PTPRN2: variants seen among roughly 807,000 people sequenced by gnomAD.
PTPRN2 encodes receptor-type tyrosine-protein phosphatase N2.
PTPRN2 carries 74 observed loss-of-function variants against 118.8 expected under a neutral mutation model. The ratio of observed to expected loss-of-function variants is 0.62; its 90% confidence interval spans 0.52 to 0.76. The LOEUF is 0.76. Among genes scored for constraint, PTPRN2 ranks in the 30% least tolerant of loss-of-function variants. The pLI, the probability that PTPRN2 is intolerant of heterozygous loss-of-function variation, is 0.00. For missense variants in PTPRN2, 1,481 were observed against 1,394.4 expected, an observed-to-expected ratio of 1.06 and a Z score of -0.99; for synonymous variants, 641 against 608.0, an observed-to-expected ratio of 1.05 and a Z score of -0.80.
At chr7:158,041,092 C>T (rs184865910) in intron 11 of PTPRN2, among the ~76,000 whole-genome samples, 31 of 152,162 alleles carry the variant, frequency 2.0e-4, no homozygotes, top group African/African-American at 3.6e-4. Flanking sequence ...GACACAGGTC[C>T]GACACTCGGA....
At chr7:157,572,070 C>T (rs1260299875) in intron 19 of PTPRN2, among the ~76,000 whole-genome samples, 1 of 152,198 alleles carries the variant, frequency 6.6e-6, no homozygotes, top group East Asian at 1.9e-4. Flanking sequence ...AGTATACAAA[C>T]AACTTCATTG....
intron 2 of PTPRN2, among the ~76,000 whole-genome samples, chr7:158,388,702 G>A (rs1811695966): frequency 6.6e-6 from 1 of 152,090 alleles, no homozygotes; most frequent in Non-Finnish European, 1.5e-5. Context: ...AGAGTTGGGG[G>A]GGCCTGAAAG....
intron 12 of PTPRN2, among the ~76,000 whole-genome samples, chr7:157,832,891 T>C (rs563808062): frequency 2.0e-5 from 3 of 152,374 alleles, no homozygotes; most frequent in East Asian, 3.9e-4. Context: ...ATTTACTCAA[T>C]GGAGAAAATA....
chr7:158,462,667 A>C (rs1325223367), intron 2 of PTPRN2, among the ~76,000 whole-genome samples: 1 of 152,166 alleles, frequency 6.6e-6, no homozygotes, highest in Non-Finnish European at 1.5e-5. Context: ...GAGACGTGTC[A>C]TATAGCTGCC....
chr7:157,594,757 A>C (rs1054940210), intron 17 of PTPRN2, among the ~76,000 whole-genome samples: 1 of 152,162 alleles, frequency 6.6e-6, no homozygotes, highest in African/African-American at 2.4e-5. Flanking sequence ...GATGTTTGAC[A>C]TTCACGTCAG....
intron 9 of PTPRN2, among the ~76,000 whole-genome samples, chr7:158,123,207 T>C (rs1226954364): frequency 6.6e-6 from 1 of 152,222 alleles, no homozygotes; most frequent in Non-Finnish European, 1.5e-5. Context: ...AAACAAACCA[T>C]GAAATTTATT....
At chr7:158,284,007 T>C (rs1799606041) in intron 3 of PTPRN2, among the ~76,000 whole-genome samples, 1 of 152,196 alleles carries the variant, frequency 6.6e-6, no homozygotes, top group Non-Finnish European at 1.5e-5. Context: ...CACACGTTAA[T>C]CAATCACACG....
chr7:158,471,413 G>T (rs1332855518), intron 2 of PTPRN2, among the ~76,000 whole-genome samples: 1 of 152,192 alleles, frequency 6.6e-6, no homozygotes, highest in Non-Finnish European at 1.5e-5. Flanking sequence ...CTAATGGCTG[G>T]GCGCAGTGGC....
At chr7:158,498,994 T>C (rs184835052) in intron 1 of PTPRN2, among the ~76,000 whole-genome samples, 4 of 152,338 alleles carry the variant, frequency 2.6e-5, no homozygotes, top group African/African-American at 9.6e-5. Context: ...ACACATAATT[T>C]AAAAGGTAAA....
In PTPRN2 at chr7:158,127,303, G is replaced by A. The variant is rs528703623; in HGVS notation, c.1556+6374C>T. Among the ~76,000 whole-genome samples the A allele has an allele frequency of 6.2e-3, 937 of 151,046 alleles. 12 individuals are homozygous for A. Among genetic ancestry groups the A allele is most frequent in the African/African-American group, 0.022 (887 of 40,748 alleles). On this transcript the variant is annotated intron_variant, in intron 9 of 22. Coordinates refer to ENST00000389418, the MANE Select transcript of PTPRN2 (RefSeq NM_002847.5). ...ACCTGTGCCCTGCGTCCTCCTCTGC[G>A]TGCACCCTGCGTCCTCCTCTGCTTG...
chr7:158,395,341 G>GAGGGGCC lies in PTPRN2; in HGVS notation c.164-78416_164-78410dup, dbSNP rs1563239922. 2.1e-4 allele frequency among the ~76,000 whole-genome samples: 8 copies of GAGGGGCC among 37,718 alleles called. 1 individual carries two copies. Among genetic ancestry groups the GAGGGGCC allele is most frequent in the Admixed American group, 8.2e-4 (3 of 3,680 alleles). 24.7% of individuals were successfully genotyped at this position (37,718 alleles called of 152,430 possible). A position where few individuals can be genotyped will look rare whatever the true frequency, so the allele number is the denominator to read the frequency against. On this transcript the variant is annotated intron_variant, in intron 2 of 22. Coordinates refer to ENST00000389418, the MANE Select transcript of PTPRN2 (RefSeq NM_002847.5). The stretch of plus-strand genomic sequence containing the variant: ...GGGCGAGGGGCGAGGGGCGAGGCGC[G>GAGGGGCC]AGGGGCCAGGGGCCAGGGGCGAGGG...
intron 3 of PTPRN2, among the ~76,000 whole-genome samples, chr7:158,312,783 A>G (rs978527338): frequency 2.3e-4 from 35 of 150,232 alleles, no homozygotes; most frequent in African/African-American, 8.3e-4. Flanking sequence ...CCACACACGC[A>G]CACACACCTG....
intron 12 of PTPRN2, among the ~76,000 whole-genome samples, chr7:157,753,432 C>T (rs748958165): frequency 3.9e-5 from 6 of 152,148 alleles, no homozygotes; most frequent in Non-Finnish European, 8.8e-5. Flanking sequence ...AACACAGCCC[C>T]AGACACAAAG....
At chr7:158,250,920 G>A (rs1285079691) in intron 3 of PTPRN2, among the ~76,000 whole-genome samples, 1 of 151,920 alleles carries the variant, frequency 6.6e-6, no homozygotes, top group African/African-American at 2.4e-5. Flanking sequence ...TGTTTGTGGG[G>A]AAATTTTCCA....
chr7:157,707,763 C>T (rs1585276733), intron 12 of PTPRN2, among the ~76,000 whole-genome samples: 1 of 152,230 alleles, frequency 6.6e-6, no homozygotes, highest in East Asian at 1.9e-4. Flanking sequence ...CTACGCCCAG[C>T]TAATTTTTGT....
chr7:158,281,580 G>A (rs1040993284), intron 3 of PTPRN2, among the ~76,000 whole-genome samples: 2 of 152,240 alleles, frequency 1.3e-5, no homozygotes, highest in Non-Finnish European at 2.9e-5. Context: ...ATGCTCGGGT[G>A]TGTGGTGTGC....
At chr7:158,172,063 A>T (rs1166345621) in intron 5 of PTPRN2, among the ~76,000 whole-genome samples, 2 of 152,190 alleles carry the variant, frequency 1.3e-5, no homozygotes, top group African/African-American at 2.4e-5. Context: ...AGCTGACATG[A>T]TATTCTACTG....
At chr7:158,410,544 G>A (rs1813962297) in intron 2 of PTPRN2, among the ~76,000 whole-genome samples, 1 of 152,214 alleles carries the variant, frequency 6.6e-6, no homozygotes, top group Admixed American at 6.5e-5. Context: ...CTCCCAGTCT[G>A]TCTCAAACTA....
At position 157,868,721 on chromosome 7, in the gene PTPRN2, G is replaced by A. The variant is rs55935806; in HGVS notation, c.1788+29952C>T. 0.19 allele frequency: 29,356 copies of A among 152,034 alleles called. 3,012 individuals are homozygous for A. The highest frequency in any genetic ancestry group is 0.25 in the East Asian group (1,309 of 5,154). 9.4% of individuals were successfully genotyped at this position (152,034 alleles called of 1,614,324 possible). The stretch of plus-strand genomic sequence containing the variant: ...CCCACTCGCCCATCCACTCAACAGC[G>A]GTCGTTCTTCATTGTATTGTGAGCT... On this transcript the variant is annotated intron_variant, in intron 12 of 22. Transcript: ENST00000389418. This position sits in a 1 kb window ranked among gnomAD's most constrained non-coding sequence, Gnocchi z 5.2.
Sources: allele counts gnomAD v4.1 joint callset (sites outside exome capture counted in the v4.1 genomes callset), GRCh38; gene constraint gnomAD v4.1.1; non-coding constraint Gnocchi (gnomAD v3.1); transcripts MANE v1.5; gene names NCBI Gene and HGNC (gene_info 2026-07-23, HGNC 2026-07-21).